The following DEF6 variants were observed in gnomAD, a reference collection of about 807,000 sequenced individuals.
DEF6 encodes DEF6 guanine nucleotide exchange factor.
DEF6 carries 32 observed loss-of-function variants against 80.5 expected under a neutral mutation model. The ratio of observed to expected loss-of-function variants is 0.40; its 90% confidence interval spans 0.30 to 0.53. The LOEUF (loss-of-function observed/expected upper bound fraction) is 0.53, where lower values mean the gene tolerates loss of function less well. DEF6 is among the 20% of genes least tolerant of loss of function. DEF6 has a pLI of 0.57. For synonymous variants in DEF6, 300 were observed against 337.9 expected (o/e 0.89, Z 1.23); for missense variants, 575 against 818.7 (o/e 0.70, Z 3.63).
chr6:35,309,531 A>G (rs1791435318), intron 1 of DEF6, 139 bp from the exon 2 acceptor site: 4 of 910,970 alleles, frequency 4.4e-6, no homozygotes, highest in East Asian at 2.5e-5. Flanking sequence ...TATAAGTTTT[A>G]GTTATTACTG....
intron 1 of DEF6, among the ~76,000 whole-genome samples, chr6:35,304,057 C>T (rs111231283): frequency 0.038 from 5,836 of 152,136 alleles, 172 homozygotes; most frequent in African/African-American, 0.086. Flanking sequence ...TGCTTGAACC[C>T]GGGAGGCAGA....
chr6:35,298,512 G>A (rs962587937), intron 1 of DEF6, among the ~76,000 whole-genome samples: 19 of 152,148 alleles, frequency 1.2e-4, no homozygotes, highest in African/African-American at 4.1e-4. Flanking sequence ...ATACTGCTAC[G>A]CAGCTCACCC....
intron 1 of DEF6, among the ~76,000 whole-genome samples, chr6:35,308,983 T>G (rs1791428490): frequency 6.6e-6 from 1 of 152,346 alleles, no homozygotes; most frequent in African/African-American, 2.4e-5. Flanking sequence ...CACACCATTA[T>G]GACCACTATC....
rs1791561507 is a variant in DEF6, at chr6:35,319,463, C to G, written c.1216-61C>G. 2.3e-6 allele frequency: 3 copies of G among 1,314,878 alleles called. No individual in the cohort carries two copies. Among genetic ancestry groups the G allele is most frequent in the Non-Finnish European group, 3.2e-6 (3 of 945,394 alleles). 81.5% of individuals were successfully genotyped at this position (1,314,878 alleles called of 1,614,324 possible). On this transcript the variant is annotated intron_variant, in intron 7 of 10. Coordinates refer to ENST00000316637, the MANE Select transcript of DEF6 (RefSeq NM_022047.4). The surrounding 1 kb of genome is among the most constrained non-coding windows in gnomAD (Gnocchi z 4.5). ...CTTAGCAACATGCCCACCCCCTCCT[C>G]CTCCGCCCCCACGTGCCCCTTTTGA...
intron 1 of DEF6, among the ~76,000 whole-genome samples, chr6:35,307,168 G>T (rs1231619227): frequency 1.3e-5 from 2 of 152,252 alleles, no homozygotes. Context: ...GGAGGCCGAG[G>T]CGGGCAGATC....
At chr6:35,305,881 T>TTTTTTG (rs1045970257) in intron 1 of DEF6, among the ~76,000 whole-genome samples, 1 of 151,092 alleles carries the variant, frequency 6.6e-6, no homozygotes, top group Non-Finnish European at 1.5e-5. Flanking sequence ...CCAAATTTGT[T>TTTTTTG]TTTTTGTTTT....
rs188707571 is a variant in DEF6, at chr6:35,317,568, T to C, written c.808-323T>C. 2.0e-4 allele frequency: 41 copies of C among 205,750 alleles called. No individual in the cohort carries two copies. The East Asian group carries it at 4.3e-3, about 22-fold the overall frequency. The allele number at this position is 205,750 out of a possible 1,614,324, so 12.7% of individuals were successfully genotyped here. ...CAAGCAGGGCTATGTGGAAGTGAGT[T>C]GTCATGGATAGTGAGGACCCTGTTA... is the stretch of plus-strand genomic sequence containing the variant. On this transcript the variant is annotated intron_variant, in intron 5 of 10. Coordinates refer to ENST00000316637, the MANE Select transcript of DEF6 (RefSeq NM_022047.4).
chr6:35,303,773 G>T (rs1791347426), intron 1 of DEF6, among the ~76,000 whole-genome samples: 1 of 152,060 alleles, frequency 6.6e-6, no homozygotes, highest in South Asian at 2.1e-4. Context: ...GAGGCGGGTG[G>T]ATCGCTTCAG....
At chr6:35,316,271 T>C (rs1791524992) in intron 5 of DEF6, 2 of 152,072 alleles carry the variant, frequency 1.3e-5, no homozygotes, top group South Asian at 4.1e-4. Context: ...TCCCAAAGTG[T>C]TAGGATTACA....
intron 3 of DEF6, among the ~76,000 whole-genome samples, chr6:35,311,160 G>C (rs1460069283): frequency 1.3e-5 from 2 of 152,140 alleles, no homozygotes; most frequent in Non-Finnish European, 2.9e-5. Context: ...GGGAGAAAAG[G>C]CTGGGAATCT....
Position 35,319,759 on chromosome 6 carries a change from G to T in DEF6, c.1383-60G>T. ...GGAACACACCCCAGTTTTCCTGCTT[G>T]CTGTGCACCTGCAAGGTGCCTTGGC... On this transcript the variant is annotated intron_variant, in intron 8 of 10. Coordinates refer to ENST00000316637, the MANE Select transcript of DEF6 (RefSeq NM_022047.4). The surrounding 1 kb of genome is among the most constrained non-coding windows in gnomAD (Gnocchi z 4.5). 3 of 1,610,970 alleles carry T rather than the reference G, an allele frequency of 1.9e-6. No individual in the cohort carries two copies. Among genetic ancestry groups the T allele is most frequent in the Non-Finnish European group, 2.5e-6 (3 of 1,177,834 alleles).
In DEF6 at chr6:35,318,385, C is replaced by T. The variant is rs1791548046; in HGVS notation, c.1129C>T (p.Leu377=). Residue 377 remains leucine, a synonymous_variant, in exon 7 of 11, where the codon CTG becomes TTG. Coordinates refer to ENST00000316637, the MANE Select transcript of DEF6 (RefSeq NM_022047.4). This position sits in a 1 kb window ranked among gnomAD's most constrained non-coding sequence, Gnocchi z 5.1. ...GGAGGCGCAGCGGCAGGCCGAGCGGCTGCTGCAGGAGGAGGAGGAACGGCG... is the reference window on the plus strand; with the variant it reads ...GGAGGCGCAGCGGCAGGCCGAGCGGTTGCTGCAGGAGGAGGAGGAACGGCG... ...LQEAQRQAER[L]LQEEEERRRS... is the part of the protein sequence containing the mutation. 1 of 1,535,864 alleles carries T rather than the reference C, an allele frequency of 6.5e-7. No homozygotes were observed.
intron 2 of DEF6, 82 bp from the exon 3 acceptor site, chr6:35,310,377 T>G (rs542568202): frequency 6.6e-7 from 1 of 1,506,584 alleles, no homozygotes; most frequent in Middle Eastern, 2.1e-4. Context: ...GGGGCATAGA[T>G]GAACCCAAGA....
chr6:35,302,327 C>T (rs1791325399), intron 1 of DEF6, among the ~76,000 whole-genome samples: 1 of 152,074 alleles, frequency 6.6e-6, no homozygotes, highest in South Asian at 2.1e-4. Context: ...CCACTGCATT[C>T]CAGCCTGGGC....
chr6:35,306,173 C>A (rs868326682), intron 1 of DEF6, among the ~76,000 whole-genome samples: 1 of 149,506 alleles, frequency 6.7e-6, no homozygotes, highest in Non-Finnish European at 1.5e-5. Flanking sequence ...GGATTACAGG[C>A]GTGAGCCCCT....
At position 35,318,087 on chromosome 6, in the gene DEF6, G is replaced by A; in HGVS notation, c.917-86G>A. 6.5e-7 allele frequency: 1 copy of A among 1,544,476 alleles called. No individual in the cohort carries two copies. The highest frequency in any genetic ancestry group is 8.7e-7 in the Non-Finnish European group (1 of 1,144,178). ...GGTGATAATACTTTGTCCAGCGGGA[G>A]GTTGGAGAGTGGACTCGGGAAACTC... On this transcript the variant is annotated intron_variant, in intron 6 of 10. Coordinates refer to ENST00000316637, the MANE Select transcript of DEF6 (RefSeq NM_022047.4). The surrounding 1 kb of genome is among the most constrained non-coding windows in gnomAD (Gnocchi z 5.1).
chr6:35,315,894 T>A (rs2150388252), intron 5 of DEF6, among the ~76,000 whole-genome samples: 1 of 149,696 alleles, frequency 6.7e-6, no homozygotes, highest in East Asian at 1.9e-4. Flanking sequence ...GTCTTGCTTT[T>A]ATCGCCCAGG....
rs961327043 is a variant in DEF6, at chr6:35,310,359, G to A, written c.238-100G>A. On this transcript the variant is annotated intron_variant, in intron 2 of 10. Transcript: ENST00000316637. ...GTTAGGGCCCTGGACTTGGCCAGGT[G>A]GGGAGCAGGGGCATAGATGAACCCA... 2.3e-6 allele frequency: 3 copies of A among 1,304,726 alleles called. No individual in the cohort carries two copies. In the East Asian group the frequency reaches 7.1e-5, roughly 31 times the overall value. 80.8% of individuals were successfully genotyped at this position (1,304,726 alleles called of 1,614,324 possible). A position where few individuals can be genotyped will look rare whatever the true frequency, so the allele number is the denominator to read the frequency against.
At chr6:35,313,949 A>T (rs533824437) in intron 5 of DEF6, among the ~76,000 whole-genome samples, 1 of 152,304 alleles carries the variant, frequency 6.6e-6, no homozygotes, top group Non-Finnish European at 1.5e-5. Context: ...TTTCTTTTAG[A>T]TATATACCCA....
Sources: allele counts gnomAD v4.1 joint callset (sites outside exome capture counted in the v4.1 genomes callset), GRCh38; gene constraint gnomAD v4.1.1; non-coding constraint Gnocchi (gnomAD v3.1); transcripts MANE v1.5; gene names NCBI Gene and HGNC (gene_info 2026-07-23, HGNC 2026-07-21).